Variants in CARF observed in about 807,000 individuals in gnomAD.
CARF encodes calcium-responsive transcription factor.
Under a neutral mutation model 82.0 loss-of-function variants are expected in CARF, and 57 were observed. The observed-to-expected ratio is 0.70, with a 90% CI of 0.56 to 0.87. The LOEUF is 0.87. CARF is among the 40% of genes least tolerant of loss of function. The pLI is 0.00. For missense variants in CARF, 771 were observed against 855.8 expected (o/e 0.90, Z 1.24); for synonymous variants, 268 against 290.1 (o/e 0.92, Z 0.77).
At chr2:202,938,643 T>G (rs1277973203) in intron 3 of CARF, among the ~76,000 whole-genome samples, 1 of 98,416 alleles carries the variant, frequency 1.0e-5, no homozygotes, top group Non-Finnish European at 2.3e-5. Flanking sequence ...GGGGGTTTTG[T>G]GGGGGGGTTT....
At position 202,949,817 on chromosome 2, in the gene CARF, TGGGATTA is replaced by T. The variant is rs1395780752; in HGVS notation, c.307-2741_307-2735del. On this transcript the variant is annotated intron_variant, in intron 5 of 16. Transcript: ENST00000438828. ...CACCCACCTTGGCCTCCCAAAGTGCTGGGATTACAGGCGTGAGCCATCGTGCCTGGCC... is the reference window on the plus strand; with the variant it reads ...CACCCACCTTGGCCTCCCAAAGTGCTCAGGCGTGAGCCATCGTGCCTGGCC... Among the ~76,000 whole-genome samples, 16 of 152,268 alleles carry T rather than the reference TGGGATTA, an allele frequency of 1.1e-4. No individual in the cohort carries two copies. In the East Asian group the frequency reaches 1.9e-3, roughly 18 times the overall value.
At position 202,967,131 on chromosome 2, in the gene CARF, TAAG is replaced by T. The variant is rs755109413; in HGVS notation, c.953+36_953+38del. 7 of 1,603,376 alleles carry T rather than the reference TAAG, an allele frequency of 4.4e-6. No homozygotes were observed. The African/African-American group carries it at 5.4e-5, about 12-fold the overall frequency. On this transcript the variant is annotated intron_variant, in intron 10 of 16. Coordinates refer to ENST00000438828, the MANE Select transcript of CARF (RefSeq NM_024744.17). The stretch of plus-strand genomic sequence containing the variant: ...TTATTTTCTTTTATTTGTTTTCTAT[TAAG>T]AACTTATTTTTGAATAGCTAATACA...
intron 12 of CARF, 73 bp from the exon 13 acceptor site, chr2:202,974,261 C>T: frequency 9.3e-7 from 1 of 1,076,766 alleles, no homozygotes; most frequent in African/African-American, 1.6e-5. Flanking sequence ...TGAAAGAGAA[C>T]CTTTCTGTCT....
chr2:202,937,636 T>G lies in CARF; in HGVS notation c.-43-4224T>G, dbSNP rs563347612. Reference sequence around the variant, plus strand: ...TTTTTGTTATTTGTTTATTTATTATTTTTTTGAGACAGAGTCTTGCTCTTG... The same window carrying G: ...TTTTTGTTATTTGTTTATTTATTATGTTTTTGAGACAGAGTCTTGCTCTTG... On this transcript the variant is annotated intron_variant, in intron 3 of 16. Coordinates refer to ENST00000438828, the MANE Select transcript of CARF (RefSeq NM_024744.17). 1.3e-4 allele frequency among the ~76,000 whole-genome samples: 20 copies of G among 152,230 alleles called. No homozygotes were observed. The South Asian group carries it at 3.7e-3, about 28-fold the overall frequency.
At chr2:202,960,303 G>A (rs577718333) in intron 8 of CARF, among the ~76,000 whole-genome samples, 6 of 151,174 alleles carry the variant, frequency 4.0e-5, no homozygotes, top group Admixed American at 1.3e-4. Context: ...AGGCTGGAGC[G>A]CAATGGCACA....
intron 16 of CARF, 21 bp downstream of exon 16, chr2:202,982,462 G>T (rs775173928): frequency 1.2e-5 from 19 of 1,611,792 alleles, no homozygotes; most frequent in African/African-American, 2.7e-5. Flanking sequence ...ATCAATTTAT[G>T]ATGTTATTGT....
Position 202,986,850 on chromosome 2 carries a change from T to C in CARF, c.*3226T>C, listed in dbSNP as rs1466514958. Reference sequence around the variant, plus strand: ...CTTGTACCAGGTTTAAAAAAAGAGGTTTAAAAAATGTCTGTGCGTATATAT... The same window carrying C: ...CTTGTACCAGGTTTAAAAAAAGAGGCTTAAAAAATGTCTGTGCGTATATAT... On this transcript the variant is annotated 3_prime_UTR_variant, in exon 17 of 17. Coordinates refer to ENST00000438828, the MANE Select transcript of CARF (RefSeq NM_024744.17). 1.7e-5 allele frequency: 1 copy of C among 59,324 alleles called. No homozygotes were observed. The highest frequency in any genetic ancestry group is 4.5e-5 in the Non-Finnish European group (1 of 22,102). The allele number at this position is 59,324 out of a possible 1,614,324, so 3.7% of individuals were successfully genotyped here. A position where few individuals can be genotyped will look rare whatever the true frequency, so the allele number is the denominator to read the frequency against.
rs1028228715 is a variant in CARF at position 202,981,546 on chromosome 2, A to G, written c.1559-9A>G. 2 of 1,557,350 alleles carry G rather than the reference A, an allele frequency of 1.3e-6. No homozygotes were observed. Among genetic ancestry groups the G allele is most frequent in the Non-Finnish European group, 1.7e-6 (2 of 1,146,610 alleles). On this transcript the variant is annotated splice_polypyrimidine_tract_variant and intron_variant, in intron 14 of 16. Coordinates refer to ENST00000438828, the MANE Select transcript of CARF (RefSeq NM_024744.17). ...AAATTATTTTAATAGTTTCTTTAAT[A>G]TAATTTAGGAAATTCACCAGGAGAA...
chr2:202,933,988 T>C (rs1029224352), intron 3 of CARF, among the ~76,000 whole-genome samples: 15 of 152,014 alleles, frequency 9.9e-5, no homozygotes, highest in African/African-American at 3.1e-4. Flanking sequence ...CTGGACCACA[T>C]TGGAAAAAGA....
chr2:202,943,190 G>A (rs143276795), intron 5 of CARF, among the ~76,000 whole-genome samples: 31 of 152,210 alleles, frequency 2.0e-4, no homozygotes, highest in Non-Finnish European at 4.0e-4. Context: ...TCCTGCCTAA[G>A]CCTCCCAAGT....
chr2:202,928,630 A>G (rs1002909651), intron 3 of CARF, among the ~76,000 whole-genome samples: 2 of 152,078 alleles, frequency 1.3e-5, no homozygotes, highest in East Asian at 1.9e-4. Context: ...AGCATTTGTT[A>G]TTTTTTGTCT....
chr2:202,970,191 A>G (rs941875265), intron 11 of CARF, 129 bp downstream of exon 11: 11 of 813,874 alleles, frequency 1.4e-5, no homozygotes, highest in African/African-American at 3.6e-5. Flanking sequence ...AGAGATATCA[A>G]TAGTTCCCTA....
At chr2:202,971,859 TTTA>T (rs2059802783) in intron 12 of CARF, 121 bp downstream of exon 12, 4 of 543,162 alleles carry the variant, frequency 7.4e-6, no homozygotes, top group Non-Finnish European at 1.3e-5. Context: ...AGGAATATAG[TTTA>T]TTAATTTATT....
intron 3 of CARF, among the ~76,000 whole-genome samples, chr2:202,934,268 A>G (rs1319781236): frequency 1.3e-5 from 2 of 152,126 alleles, no homozygotes; most frequent in Admixed American, 6.6e-5. Context: ...TTGCAGTTCC[A>G]TGTGAATTTG....
Position 202,974,477 on chromosome 2 carries a change from C to T in CARF, c.1475C>T (p.Ser492Leu). The T allele has an allele frequency of 1.9e-6, 3 of 1,599,158 alleles. No individual in the cohort carries two copies. Among genetic ancestry groups the T allele is most frequent in the Non-Finnish European group, 2.6e-6 (3 of 1,176,078 alleles). Residue 492 changes from serine to leucine, a missense_variant, in exon 13 of 17, where the codon TCA (serine) becomes TTA (leucine). Ser to Leu is a moderately radical substitution (Grantham distance 145, BLOSUM62 -2). Transcript: ENST00000438828. ...SLRNGDTVYN[S>L]EIIPATLQWT... The stretch of plus-strand genomic sequence containing the variant: ...AGAAATGGAGATACGGTATATAACT[C>T]AGAGATTATTCCAGCAACGGTATGA...
intron 9 of CARF, among the ~76,000 whole-genome samples, chr2:202,965,881 C>T (rs769758703): frequency 2.6e-5 from 4 of 152,106 alleles, no homozygotes; most frequent in Non-Finnish European, 4.4e-5. Context: ...TGGCTGAAAA[C>T]GACAAACGTT....
rs901395492 is a variant in CARF, at chr2:202,984,793, C to A, written c.*1169C>A. On this transcript the variant is annotated 3_prime_UTR_variant, in exon 17 of 17. Coordinates refer to ENST00000438828, the MANE Select transcript of CARF (RefSeq NM_024744.17). ...GTACTAGGCTGGACATGGTGGCTCA[C>A]ACCTGTAATCACAATACTTTGGGAG... The A allele has an allele frequency of 2.6e-5, 4 of 152,124 alleles. No homozygotes were observed. Among genetic ancestry groups the A allele is most frequent in the Admixed American group, 2.6e-4 (4 of 15,264 alleles). 9.4% of individuals were successfully genotyped at this position (152,124 alleles called of 1,614,324 possible). A position where few individuals can be genotyped will look rare whatever the true frequency, so the allele number is the denominator to read the frequency against.
chr2:202,916,986 G>A (rs536452813), intron 1 of CARF, among the ~76,000 whole-genome samples: 15 of 152,098 alleles, frequency 9.9e-5, no homozygotes, highest in African/African-American at 3.1e-4. Flanking sequence ...CGAGGCGGGC[G>A]GATCACGAAG....
At chr2:202,935,112 A>ATATATAATTATATATAAT (rs1693677469) in intron 3 of CARF, among the ~76,000 whole-genome samples, 3 of 143,086 alleles carry the variant, frequency 2.1e-5, no homozygotes. Flanking sequence ...ATATATAATT[A>ATATATAATTATATATAAT]TATATAATTA....
Sources: gnomAD v4.1 joint callset for allele counts (sites outside exome capture counted in the v4.1 genomes callset) on GRCh38, gnomAD v4.1.1 for gene constraint, MANE v1.5 for transcripts, NCBI Gene and HGNC (gene_info 2026-07-23, HGNC 2026-07-21) for gene names.